SPINK8: variants seen among roughly 807,000 people sequenced by gnomAD.
SPINK8 encodes the protein serine peptidase inhibitor Kazal type 8 (putative).
A neutral mutation model predicts 14.4 loss-of-function variants in SPINK8; 12 were observed. The ratio of observed to expected loss-of-function variants is 0.83; its 90% CI spans 0.53 to 1.35. The LOEUF (loss-of-function observed/expected upper bound fraction) is 1.35, where lower values mean the gene tolerates loss of function less well. SPINK8 is among the 40% of genes most tolerant of loss of function. The pLI is 0.00. For missense variants in SPINK8, 103 were observed against 117.0 expected, an observed-to-expected ratio of 0.88 and a Z score of 0.55; for synonymous variants, 32 against 37.6, an observed-to-expected ratio of 0.85 and a Z score of 0.55.
intron 6 of SPINK8, among the ~76,000 whole-genome samples, chr3:48,313,743 TGTG>T (rs2035952633): frequency 1.3e-5 from 2 of 152,246 alleles, no homozygotes; most frequent in Admixed American, 6.5e-5. Context: ...ATAAAAAAAT[TGTG>T]GTATATACAC....
intron 4 of SPINK8, among the ~76,000 whole-genome samples, chr3:48,326,047 A>G (rs13071960): frequency 0.22 from 32,685 of 151,616 alleles, 4,327 homozygotes; most frequent in South Asian, 0.3. Flanking sequence ...GAAAAAAGAG[A>G]ACCCTGCCTC....
At chr3:48,308,375 G>T (rs2035878544) in intron 7 of SPINK8, among the ~76,000 whole-genome samples, 1 of 152,160 alleles carries the variant, frequency 6.6e-6, no homozygotes, top group Non-Finnish European at 1.5e-5. Flanking sequence ...CAGAGCCTTG[G>T]TAGAGAGACA....
intron 6 of SPINK8, among the ~76,000 whole-genome samples, chr3:48,318,773 A>T (rs908574377): frequency 6.6e-6 from 1 of 152,206 alleles, no homozygotes; most frequent in East Asian, 1.9e-4. Flanking sequence ...GGGGAGAGAG[A>T]CTTAATTCTG....
Position 48,306,985 on chromosome 3 carries a change from C to T in SPINK8, c.*7G>A, listed in dbSNP as rs976603350. ...TTCAGTAGGTTTTATAATTCTTTGTCGTACGTTCAAGAGTTTTCCTGCAAG... is the reference window on the plus strand; with the variant it reads ...TTCAGTAGGTTTTATAATTCTTTGTTGTACGTTCAAGAGTTTTCCTGCAAG... On this transcript the variant is annotated 3_prime_UTR_variant, in exon 8 of 8. Transcript: ENST00000434006. 12 of 1,612,754 alleles carry T rather than the reference C, an allele frequency of 7.4e-6. No homozygotes were observed. The highest frequency in any genetic ancestry group is 1.7e-5 in the Admixed American group (1 of 59,894).
intron 6 of SPINK8, among the ~76,000 whole-genome samples, chr3:48,315,837 A>G (rs770208279): frequency 6.6e-6 from 1 of 152,070 alleles, no homozygotes; most frequent in Non-Finnish European, 1.5e-5. Flanking sequence ...AAAGAGACAG[A>G]AAAAATTTTC....
intron 6 of SPINK8, among the ~76,000 whole-genome samples, chr3:48,311,932 A>G (rs1035454921): frequency 6.6e-6 from 1 of 152,196 alleles, no homozygotes; most frequent in Non-Finnish European, 1.5e-5. Context: ...AGTTGCCAAA[A>G]TCATCTTGAA....
chr3:48,309,899 C>T lies in SPINK8; in HGVS notation c.282+5G>A, dbSNP rs1003619659. Reference sequence around the variant, plus strand: ...AAAATAAAAAATAAAAGTGTCTTTACTTACACATTGTCCATCATACAGTTT... The same window carrying T: ...AAAATAAAAAATAAAAGTGTCTTTATTTACACATTGTCCATCATACAGTTT... On this transcript the variant is annotated splice_donor_5th_base_variant and intron_variant, in intron 7 of 7. Transcript: ENST00000434006. 1.4e-6 allele frequency: 2 copies of T among 1,453,658 alleles called. No homozygotes were observed. The highest frequency in any genetic ancestry group is 5.6e-5 in the East Asian group (2 of 35,568). The allele number at this position is 1,453,658 out of a possible 1,614,324, so 90.0% of individuals were successfully genotyped here. A position where few individuals can be genotyped will look rare whatever the true frequency, so the allele number is the denominator to read the frequency against.
intron 2 of SPINK8, among the ~76,000 whole-genome samples, chr3:48,329,571 C>A (rs1170030797): frequency 6.6e-6 from 1 of 152,230 alleles, no homozygotes; most frequent in Non-Finnish European, 1.5e-5. Context: ...AGTACCACAT[C>A]TGCATGTGCA....
At chr3:48,312,354 T>G (rs1006840607) in intron 6 of SPINK8, among the ~76,000 whole-genome samples, 3 of 151,944 alleles carry the variant, frequency 2.0e-5, no homozygotes, top group African/African-American at 7.3e-5. Context: ...AAGAATAACA[T>G]TAGACAGGGT....
At position 48,319,568 on chromosome 3, in the gene SPINK8, C is replaced by T. The variant is rs1410562279; in HGVS notation, c.168G>A (p.Lys56=). The change falls in exon 6 of 8, where the codon AAG becomes AAA. Residue 56 remains lysine, a synonymous_variant. Coordinates refer to ENST00000434006, the MANE Select transcript of SPINK8 (RefSeq NM_001080525.3). ...CACTGCCACAAATAGGTTCACTGGG[C>T]TTGATGTAGGATAAAAACCAGCACT... ...VNKCWFLSYI[K]PSEPICGSDQ... is the part of the protein sequence containing the mutation. 6.2e-7 allele frequency: 1 copy of T among 1,613,928 alleles called. No homozygotes were observed. Among genetic ancestry groups the T allele is most frequent in the Non-Finnish European group, 8.5e-7 (1 of 1,179,866 alleles).
At chr3:48,317,740 C>G (rs2036013195) in intron 6 of SPINK8, among the ~76,000 whole-genome samples, 1 of 151,852 alleles carries the variant, frequency 6.6e-6, no homozygotes, top group African/African-American at 2.4e-5. Flanking sequence ...TGGTCTCTAT[C>G]TCCTGACCTC....
At chr3:48,307,542 C>T (rs2035866541) in intron 7 of SPINK8, among the ~76,000 whole-genome samples, 2 of 63,976 alleles carry the variant, frequency 3.1e-5, no homozygotes, top group African/African-American at 1.4e-4. Context: ...CTGCCCCCCA[C>T]CCCCCCACCT....
chr3:48,321,224 T>A, intron 4 of SPINK8, 150 bp from the exon 5 acceptor site: 1 of 640,622 alleles, frequency 1.6e-6, no homozygotes, highest in Non-Finnish European at 2.6e-6. Flanking sequence ...AGCTGCCCTC[T>A]AAAGGAGCAA....
chr3:48,317,333 C>CA (rs1201965617), intron 6 of SPINK8, among the ~76,000 whole-genome samples: 1 of 151,878 alleles, frequency 6.6e-6, no homozygotes, highest in African/African-American at 2.4e-5. Flanking sequence ...TACAAAAATA[C>CA]AAAAATTAGC....
At chr3:48,328,814 A>T (rs116629862) in intron 3 of SPINK8, among the ~76,000 whole-genome samples, 1 of 152,156 alleles carries the variant, frequency 6.6e-6, no homozygotes, top group Non-Finnish European at 1.5e-5. Flanking sequence ...AACAGGCAAT[A>T]AGAAACAAGA....
At position 48,307,961 on chromosome 3, in the gene SPINK8, C is replaced by CTT. The variant is rs869147798; in HGVS notation, c.283-960_283-959dup. 2.9e-3 allele frequency among the ~76,000 whole-genome samples: 196 copies of CTT among 68,230 alleles called. 15 individuals carry two copies. The highest frequency in any genetic ancestry group is 3.7e-3 in the African/African-American group (58 of 15,702). 44.8% of individuals were successfully genotyped at this position (68,230 alleles called of 152,430 possible). A position where few individuals can be genotyped will look rare whatever the true frequency, so the allele number is the denominator to read the frequency against. ...ATGAATTCTGACTTCAGTCTGCATT[C>CTT]TTTTTTTTTTTTTTTTTTTTTTTTT... On this transcript the variant is annotated intron_variant, in intron 7 of 7. Coordinates refer to ENST00000434006, the MANE Select transcript of SPINK8 (RefSeq NM_001080525.3).
At chr3:48,321,577 TATCATAGA>T (rs1475272151) in intron 4 of SPINK8, among the ~76,000 whole-genome samples, 2 of 151,642 alleles carry the variant, frequency 1.3e-5, no homozygotes, top group Non-Finnish European at 2.9e-5. Context: ...ATAATTCACA[TATCATAGA>T]ATTTTACCAG....
chr3:48,325,655 C>T (rs1162494988), intron 4 of SPINK8, among the ~76,000 whole-genome samples: 8 of 149,366 alleles, frequency 5.4e-5, no homozygotes, highest in South Asian at 2.1e-4. Context: ...TGCAATGGTG[C>T]GAACTCAGCT....
At position 48,314,594 on chromosome 3, in the gene SPINK8, G is replaced by C. The variant is rs777014801; in HGVS notation, c.240-4648C>G. 4.6e-5 allele frequency among the ~76,000 whole-genome samples: 7 copies of C among 152,092 alleles called. 1 individual carries two copies. Among genetic ancestry groups the C allele is most frequent in the Non-Finnish European group, 8.8e-5 (6 of 68,016 alleles). ...CATTACCAGAGAATTGTCATTATTT[G>C]ACCTGTCTGGGTGGTTCTCTGAAAG... On this transcript the variant is annotated intron_variant, in intron 6 of 7. Transcript: ENST00000434006.
Sources: allele counts gnomAD v4.1 joint callset (sites outside exome capture counted in the v4.1 genomes callset), GRCh38; gene constraint gnomAD v4.1.1; transcripts MANE v1.5; gene names NCBI Gene and HGNC (gene_info 2026-07-23, HGNC 2026-07-21).